Variants in DUSP22 observed in about 807,000 individuals in gnomAD.
DUSP22 encodes dual specificity phosphatase 22.
Under a neutral mutation model 24.5 loss-of-function variants are expected in DUSP22, and 24 were observed. That is an observed-to-expected ratio of 0.98 (90% CI 0.71 to 1.38). The LOEUF (loss-of-function observed/expected upper bound fraction) is 1.38. DUSP22 is among the 40% of genes most tolerant of loss of function. DUSP22 has a pLI of 0.00. For synonymous variants in DUSP22, 160 were observed against 106.4 expected (o/e 1.50, Z -3.10); for missense variants, 330 against 269.2 (o/e 1.23, Z -1.58).
chr6:349,793 C>T lies in DUSP22; in HGVS notation c.*842C>T. 1 of 985,980 alleles carries T rather than the reference C, an allele frequency of 1.0e-6. No homozygotes were observed. Among genetic ancestry groups the T allele is most frequent in the Non-Finnish European group, 1.2e-6 (1 of 830,278 alleles). The allele number at this position is 985,980 out of a possible 1,614,324, so 61.1% of individuals were successfully genotyped here. On this transcript the variant is annotated 3_prime_UTR_variant, in exon 7 of 7. Transcript: ENST00000419235. The stretch of plus-strand genomic sequence containing the variant: ...TTTTCAGCCCATCGAGCCCTGAGTT[C>T]TACTTGGTGTTTGTTCTCTGGAGCT...
chr6:292,969 G>A (rs923400910), intron 1 of DUSP22, among the ~76,000 whole-genome samples: 3 of 152,294 alleles, frequency 2.0e-5, no homozygotes, highest in Non-Finnish European at 2.9e-5. Context: ...GTAAACGGGT[G>A]TCCTCTGTAA....
intron 1 of DUSP22, among the ~76,000 whole-genome samples, chr6:293,765 C>T (rs556333601): frequency 6.7e-6 from 1 of 148,750 alleles, no homozygotes; most frequent in South Asian, 2.1e-4. Flanking sequence ...CATATCAATA[C>T]TGGGGTATTT....
intron 3 of DUSP22, among the ~76,000 whole-genome samples, chr6:334,538 T>G (rs1260710846): frequency 6.6e-6 from 1 of 152,300 alleles, no homozygotes; most frequent in Non-Finnish European, 1.5e-5. Context: ...AAGAAAAAAG[T>G]ATTTTTGTTT....
At chr6:344,750 C>G (rs1759774912) in intron 4 of DUSP22, among the ~76,000 whole-genome samples, 1 of 152,310 alleles carries the variant, frequency 6.6e-6, no homozygotes, top group Non-Finnish European at 1.5e-5. Context: ...TTTCCATTTC[C>G]CCACAGCTCT....
At chr6:343,893 C>G (rs958259850) in intron 4 of DUSP22, among the ~76,000 whole-genome samples, 1 of 152,306 alleles carries the variant, frequency 6.6e-6, no homozygotes, top group African/African-American at 2.4e-5. Flanking sequence ...TTATCAGAGT[C>G]CCTGGCAAAT....
intron 1 of DUSP22, among the ~76,000 whole-genome samples, chr6:292,896 T>A (rs1424149838): frequency 6.6e-6 from 1 of 152,298 alleles, no homozygotes; most frequent in Non-Finnish European, 1.5e-5. Context: ...GGCTTCTTTT[T>A]TGCCCTCCTC....
intron 3 of DUSP22, among the ~76,000 whole-genome samples, chr6:326,870 G>A (rs1292113825): frequency 6.6e-6 from 1 of 152,310 alleles, no homozygotes; most frequent in African/African-American, 2.4e-5. Context: ...TGTATCAGAT[G>A]TCATTTAAAT....
intron 1 of DUSP22, among the ~76,000 whole-genome samples, chr6:294,349 G>T (rs1276989230): frequency 2.5e-5 from 1 of 39,798 alleles, no homozygotes; most frequent in African/African-American, 4.8e-5. Context: ...TTGTGCTAGT[G>T]GGTGGGGAGG....
At chr6:332,644 C>CTTTTTTTTTTTTTTTT (rs3053546) in intron 3 of DUSP22, among the ~76,000 whole-genome samples, 6 of 148,066 alleles carry the variant, frequency 4.1e-5, no homozygotes, top group Non-Finnish European at 4.5e-5. Context: ...TCCTGTCCTT[C>CTTTTTTTTTTTTTTTT]TTTTTTTTTT....
At chr6:343,535 C>T (rs1299964123) in intron 4 of DUSP22, among the ~76,000 whole-genome samples, 1 of 152,304 alleles carries the variant, frequency 6.6e-6, no homozygotes, top group East Asian at 1.9e-4. Flanking sequence ...GGGCAGTTAT[C>T]CCTGGGAAAG....
At chr6:328,378 A>AC (rs1454112209) in intron 3 of DUSP22, among the ~76,000 whole-genome samples, 1 of 152,306 alleles carries the variant, frequency 6.6e-6, no homozygotes, top group Admixed American at 6.5e-5. Flanking sequence ...CAACATTCTG[A>AC]CCGTGCCCAC....
rs573272539 is a variant in DUSP22 at position 296,302 on chromosome 6, T to A, written c.21+3742T>A. On this transcript the variant is annotated intron_variant, in intron 1 of 6. Transcript: ENST00000419235. Reference sequence around the variant, plus strand: ...GTTTTGAGTACTTTACCACATAGAGTAAGCCACAACTCCATGAAGTAGATC... The same window carrying A: ...GTTTTGAGTACTTTACCACATAGAGAAAGCCACAACTCCATGAAGTAGATC... 1.4e-3 allele frequency among the ~76,000 whole-genome samples: 216 copies of A among 152,368 alleles called. No homozygotes were observed. The East Asian group carries it at 0.034, about 24-fold the overall frequency.
At chr6:302,145 C>T (rs560019323) in intron 1 of DUSP22, among the ~76,000 whole-genome samples, 2,163 of 151,514 alleles carry the variant, frequency 0.014, no homozygotes, top group Non-Finnish European at 0.017. Flanking sequence ...ATCGCCGTCA[C>T]GGAGGTGAGC....
At chr6:311,990 G>C in intron 3 of DUSP22, 28 bp downstream of exon 3, 1 of 1,600,936 alleles carries the variant, frequency 6.2e-7, no homozygotes, top group African/African-American at 1.3e-5. Context: ...GGCGTGTGTG[G>C]GTGTCCTCAT....
At chr6:334,401 T>A (rs1215198017) in intron 3 of DUSP22, among the ~76,000 whole-genome samples, 7 of 147,702 alleles carry the variant, frequency 4.7e-5, no homozygotes, top group African/African-American at 1.5e-4. Flanking sequence ...GAAACAGCCA[T>A]TTTTTTTTTT....
At chr6:341,791 G>A (rs994368829) in intron 4 of DUSP22, among the ~76,000 whole-genome samples, 20 of 152,402 alleles carry the variant, frequency 1.3e-4, no homozygotes, top group Admixed American at 5.2e-4. Context: ...AAGAGCTACC[G>A]GGGGGTGGTG....
rs771184537 is a variant in DUSP22, at chr6:292,503, C to T, written c.-37C>T. On this transcript the variant is annotated 5_prime_UTR_variant, in exon 1 of 7. Coordinates refer to ENST00000419235, the MANE Select transcript of DUSP22 (RefSeq NM_001286555.3). ...TAACATGCCATAGTGCGCCTGCGAC[C>T]ACACGGCCGGGGCGCTAGCGTTCGC... 2 of 1,603,630 alleles carry T rather than the reference C, an allele frequency of 1.2e-6. No homozygotes were observed. The highest frequency in any genetic ancestry group is 1.7e-6 in the Non-Finnish European group (2 of 1,175,472).
chr6:345,949 A>G (rs1436314236), intron 5 of DUSP22, 21 bp downstream of exon 5: 2 of 1,613,956 alleles, frequency 1.2e-6, no homozygotes, highest in Middle Eastern at 1.6e-4. Flanking sequence ...CTCTTGCTTA[A>G]TAGCGCCTTA....
intron 2 of DUSP22, among the ~76,000 whole-genome samples, chr6:305,961 C>T (rs1437862833): frequency 6.6e-6 from 1 of 152,304 alleles, no homozygotes; most frequent in Non-Finnish European, 1.5e-5. Flanking sequence ...TCTGTTTCCA[C>T]ACACACACCC....
Sources: gnomAD v4.1 joint callset for allele counts (sites outside exome capture counted in the v4.1 genomes callset) on GRCh38, gnomAD v4.1.1 for gene constraint, MANE v1.5 for transcripts, NCBI Gene and HGNC (gene_info 2026-07-23, HGNC 2026-07-21) for gene names.